SLC4A5: variants seen among roughly 807,000 people sequenced by gnomAD.
SLC4A5 encodes solute carrier family 4 member 5, also known as electrogenic sodium bicarbonate cotransporter 4.
In SLC4A5, 96 loss-of-function variants were observed where a neutral mutation model predicts 120.4. The ratio of observed to expected loss-of-function variants is 0.80; its 90% CI spans 0.68 to 0.94. The LOEUF (loss-of-function observed/expected upper bound fraction) is 0.94. SLC4A5 is among the 40% of genes least tolerant of loss of function. The probability of loss-of-function intolerance (pLI) is 0.00; values close to 1 mark genes in which losing one functional copy is unlikely to be tolerated. For missense variants in SLC4A5, 1,259 were observed against 1,459.5 expected, an observed-to-expected ratio of 0.86 and a Z score of 2.24; for synonymous variants, 550 against 571.1, an observed-to-expected ratio of 0.96 and a Z score of 0.53.
chr2:74,233,078 C>T (rs1350711349), intron 23 of SLC4A5, among the ~76,000 whole-genome samples: 2 of 152,178 alleles, frequency 1.3e-5, no homozygotes, highest in Admixed American at 6.5e-5. Context: ...GGAAGTTCCT[C>T]TGCCTCAGTG....
intron 8 of SLC4A5, among the ~76,000 whole-genome samples, chr2:74,267,004 A>AAC (rs1427797288): frequency 2.6e-5 from 4 of 152,268 alleles, no homozygotes; most frequent in African/African-American, 9.6e-5. Flanking sequence ...AACTCAAATT[A>AAC]TCCAATAGAA....
At chr2:74,260,865 C>A in intron 11 of SLC4A5, among the ~76,000 whole-genome samples, 1 of 152,208 alleles carries the variant, frequency 6.6e-6, no homozygotes, top group East Asian at 1.9e-4. Flanking sequence ...GCTGGGTGCA[C>A]AAGGCCCTCT....
At chr2:74,259,686 T>C (rs1223831821) in intron 11 of SLC4A5, 43 bp from the exon 12 acceptor site, 5 of 1,602,454 alleles carry the variant, frequency 3.1e-6, no homozygotes, top group Non-Finnish European at 3.4e-6. Context: ...GAAGCCAGGC[T>C]CTTGCAGGTC....
intron 6 of SLC4A5, among the ~76,000 whole-genome samples, chr2:74,309,264 T>A (rs1672737425): frequency 6.6e-6 from 1 of 152,068 alleles, no homozygotes; most frequent in African/African-American, 2.4e-5. Context: ...AGTTATTCCA[T>A]CACCATTTGC....
chr2:74,285,743 G>C (rs1375729777), intron 8 of SLC4A5, 30 bp downstream of exon 8: 19 of 1,603,574 alleles, frequency 1.2e-5, no homozygotes, highest in Non-Finnish European at 1.5e-5. Context: ...AGACTGAAGT[G>C]CCCACCTCCC....
At chr2:74,272,659 A>T (rs1238927563) in intron 8 of SLC4A5, among the ~76,000 whole-genome samples, 1 of 152,266 alleles carries the variant, frequency 6.6e-6, no homozygotes, top group African/African-American at 2.4e-5. Flanking sequence ...ACTGGAATGT[A>T]GCTAAAAGGA....
At chr2:74,332,186 C>A (rs1673379228) in intron 4 of SLC4A5, among the ~76,000 whole-genome samples, 1 of 152,204 alleles carries the variant, frequency 6.6e-6, no homozygotes, top group African/African-American at 2.4e-5. Context: ...GTGAACAAGT[C>A]TCATTCTCAA....
chr2:74,245,405 G>A (rs1670579247), intron 19 of SLC4A5, among the ~76,000 whole-genome samples: 1 of 152,192 alleles, frequency 6.6e-6, no homozygotes, highest in Non-Finnish European at 1.5e-5. Context: ...CTATGTTTGT[G>A]TAAAATTTAC....
intron 29 of SLC4A5, among the ~76,000 whole-genome samples, chr2:74,221,906 G>GGACAGGCTATGTTGCCTGGAT (rs1694664355): frequency 6.6e-6 from 1 of 152,050 alleles, no homozygotes. Context: ...GAAGACCTCG[G>GGACAGGCTATGTTGCCTGGAT]GACAGGCTAT....
chr2:74,264,012 G>C lies in SLC4A5; in HGVS notation c.715+135C>G, dbSNP rs142706085. 3,805 of 1,177,302 alleles carry C rather than the reference G, an allele frequency of 3.2e-3. 15 individuals carry two copies. The highest frequency in any genetic ancestry group is 6.8e-3 in the Middle Eastern group (23 of 3,406). The allele number at this position is 1,177,302 out of a possible 1,614,324, so 72.9% of individuals were successfully genotyped here. On this transcript the variant is annotated intron_variant, in intron 10 of 30. Coordinates refer to ENST00000394019, the Ensembl canonical transcript of SLC4A5. ...CTGGGGTCCCCACAGGCCTGCCAGAGAAGGAGGCTGAGGGATCCCCAGAAC... is the reference window on the plus strand; with the variant it reads ...CTGGGGTCCCCACAGGCCTGCCAGACAAGGAGGCTGAGGGATCCCCAGAAC...
chr2:74,335,911 C>G (rs1015691171), intron 3 of SLC4A5, among the ~76,000 whole-genome samples: 4 of 152,086 alleles, frequency 2.6e-5, no homozygotes, highest in African/African-American at 9.7e-5. Context: ...AAATACAATT[C>G]CAAGGGCATT....
intron 29 of SLC4A5, among the ~76,000 whole-genome samples, chr2:74,222,523 C>G (rs758429295): frequency 2.6e-5 from 4 of 152,188 alleles, no homozygotes; most frequent in Non-Finnish European, 4.4e-5. Flanking sequence ...CATGGGCGAG[C>G]AAGCATTAAC....
At chr2:74,307,952 G>C (rs1672697180) in intron 6 of SLC4A5, 1 of 539,956 alleles carries the variant, frequency 1.9e-6, no homozygotes, top group African/African-American at 1.9e-5. Context: ...TGGGTGGCTG[G>C]ACAGAGCCCA....
chr2:74,291,797 A>T (rs1002413127), intron 7 of SLC4A5, among the ~76,000 whole-genome samples: 7 of 152,172 alleles, frequency 4.6e-5, no homozygotes, highest in African/African-American at 7.2e-5. Context: ...AAAGCTGAGA[A>T]AACAGAAGCA....
At chr2:74,254,112 G>A (rs1670880728) in intron 14 of SLC4A5, among the ~76,000 whole-genome samples, 1 of 152,204 alleles carries the variant, frequency 6.6e-6, no homozygotes, top group Non-Finnish European at 1.5e-5. Flanking sequence ...AAGAGTTAAA[G>A]TCCTCTAGGC....
intron 4 of SLC4A5, among the ~76,000 whole-genome samples, chr2:74,330,083 G>A (rs1573110554): frequency 6.6e-6 from 1 of 151,400 alleles, no homozygotes. Flanking sequence ...CGTAGGTATA[G>A]GTGGTGAGAG....
At chr2:74,333,295 T>C (rs1463283032) in intron 4 of SLC4A5, among the ~76,000 whole-genome samples, 2 of 152,066 alleles carry the variant, frequency 1.3e-5, no homozygotes, top group Non-Finnish European at 2.9e-5. Flanking sequence ...ATTAGGGCAT[T>C]CAGTCTCTGG....
intron 6 of SLC4A5, among the ~76,000 whole-genome samples, chr2:74,313,488 T>C (rs1465067870): frequency 7.2e-5 from 11 of 152,200 alleles, no homozygotes; most frequent in African/African-American, 2.4e-5. Context: ...TCAGGTTACT[T>C]GGATGTCAGT....
At chr2:74,342,663 C>T (rs1673653293) in intron 1 of SLC4A5, 129 bp from the exon 2 acceptor site, 1 of 152,154 alleles carries the variant, frequency 6.6e-6, no homozygotes, top group African/African-American at 2.4e-5. Context: ...AGCTGATCTC[C>T]AGGACTCCTG....
Sources: allele counts gnomAD v4.1 joint callset (sites outside exome capture counted in the v4.1 genomes callset), GRCh38; gene constraint gnomAD v4.1.1; transcripts MANE v1.5; gene names NCBI Gene and HGNC (gene_info 2026-07-23, HGNC 2026-07-21).